BABAM2: variants seen among roughly 807,000 people sequenced by gnomAD.
BABAM2 encodes BRISC and BRCA1 A complex member 2.
Under a neutral mutation model 54.7 loss-of-function variants are expected in BABAM2, and 31 were observed. The observed-to-expected ratio is 0.57, with a 90% CI of 0.43 to 0.77. BABAM2 has a LOEUF of 0.77. Among genes scored for constraint, BABAM2 ranks in the 30% least tolerant of loss-of-function variants. BABAM2 has a pLI of 0.00. For synonymous variants in BABAM2, 167 were observed against 162.9 expected (o/e 1.03, Z -0.19); for missense variants, 364 against 455.8 (o/e 0.80, Z 1.83).
chr2:28,169,357 A>T (rs1278015909), intron 7 of BABAM2, among the ~76,000 whole-genome samples: 2 of 152,218 alleles, frequency 1.3e-5, no homozygotes, highest in East Asian at 3.8e-4. Flanking sequence ...AACCTTTAAT[A>T]CTTTCATACC....
Position 28,338,610 on chromosome 2 carries a change from C to CGGCAG in BABAM2, c.*98_*102dup. 6.9e-7 allele frequency: 1 copy of CGGCAG among 1,441,100 alleles called. No homozygotes were observed. Among genetic ancestry groups the CGGCAG allele is most frequent in the Non-Finnish European group, 9.7e-7 (1 of 1,028,988 alleles). The allele number at this position is 1,441,100 out of a possible 1,614,324, so 89.3% of individuals were successfully genotyped here. ...CTGGAAGCCGCCTGGAATGTCTTCA[C>CGGCAG]GGCAGCGTTTTGCTCACACAGCAGC... On this transcript the variant is annotated 3_prime_UTR_variant, in exon 12 of 12. Transcript: ENST00000379624.
chr2:28,221,401 G>A (rs1358268937), intron 7 of BABAM2, among the ~76,000 whole-genome samples: 2 of 152,154 alleles, frequency 1.3e-5, no homozygotes, highest in African/African-American at 4.8e-5. Flanking sequence ...GATTTAGTAT[G>A]TTTGCAGTGT....
In BABAM2 at chr2:28,202,515, C is replaced by G. The variant is rs577654297; in HGVS notation, c.681-34687C>G. 4.6e-5 allele frequency among the ~76,000 whole-genome samples: 7 copies of G among 152,310 alleles called. No individual in the cohort carries two copies. In the East Asian group the frequency reaches 1.3e-3, roughly 29 times the overall value. On this transcript the variant is annotated intron_variant, in intron 7 of 11. Transcript: ENST00000379624. ...GAAGTTCCCCAAAGAATAGAAAAAT[C>G]TGCTTTAATTCCAACATCTAGTTGC...
intron 5 of BABAM2, among the ~76,000 whole-genome samples, chr2:28,040,294 C>CTTTTTTTTTTTTTTTTTGTTTT (rs1676972775): frequency 1.7e-5 from 1 of 59,470 alleles, no homozygotes; most frequent in Admixed American, 2.2e-4. Context: ...AAACTGAATT[C>CTTTTTTTTTTTTTTTTTGTTTT]TTTTTTTTTT....
At chr2:28,203,651 A>G (rs185370522) in intron 7 of BABAM2, among the ~76,000 whole-genome samples, 255 of 152,162 alleles carry the variant, frequency 1.7e-3, no homozygotes, top group Non-Finnish European at 2.5e-3. Flanking sequence ...TACATAAGAG[A>G]CGTTTTTCAT....
intron 6 of BABAM2, among the ~76,000 whole-genome samples, chr2:28,097,359 G>A (rs1216253929): frequency 6.6e-6 from 1 of 152,170 alleles, no homozygotes; most frequent in Non-Finnish European, 1.5e-5. Flanking sequence ...GCAGAGCTTT[G>A]TGTACTCTAA....
chr2:28,242,676 C>A (rs999790729), intron 9 of BABAM2, among the ~76,000 whole-genome samples: 2 of 152,038 alleles, frequency 1.3e-5, no homozygotes, highest in Admixed American at 6.5e-5. Context: ...TGATTTGTCA[C>A]CCTCTGGGAT....
intron 6 of BABAM2, among the ~76,000 whole-genome samples, chr2:28,078,608 T>C (rs778039032): frequency 2.6e-5 from 4 of 152,132 alleles, no homozygotes; most frequent in Non-Finnish European, 5.9e-5. Flanking sequence ...ATGTTTCCCA[T>C]GGATAAGGAA....
chr2:27,976,375 TAA>T (rs1187878933), intron 3 of BABAM2, among the ~76,000 whole-genome samples: 4 of 152,182 alleles, frequency 2.6e-5, no homozygotes, highest in African/African-American at 9.6e-5. Context: ...TAGTAGGCTA[TAA>T]AAAAGGAGCA....
intron 3 of BABAM2, among the ~76,000 whole-genome samples, chr2:27,948,691 A>G (rs1236344533): frequency 6.6e-6 from 1 of 152,140 alleles, no homozygotes; most frequent in Non-Finnish European, 1.5e-5. Flanking sequence ...GAATTGCTTG[A>G]ACCCGGGAGG....
intron 6 of BABAM2, among the ~76,000 whole-genome samples, chr2:28,092,129 G>T (rs1350891497): frequency 6.6e-6 from 1 of 151,986 alleles, no homozygotes; most frequent in African/African-American, 2.4e-5. Context: ...TTTTAAAAAG[G>T]TAATCATAAT....
At chr2:28,145,730 C>T (rs948363755) in intron 7 of BABAM2, among the ~76,000 whole-genome samples, 1 of 152,196 alleles carries the variant, frequency 6.6e-6, no homozygotes, top group Admixed American at 6.5e-5. Context: ...CAGTTACTCC[C>T]AGTTTTCCCC....
rs189284782 is a variant in BABAM2, at chr2:28,240,246, G to C, written c.781-1077G>C. Reference sequence around the variant, plus strand: ...AGCATTCCTCCTGCCTCAGGCTCCCGAGTAGCTAGGGCTATAGGTGCATAT... The same window carrying C: ...AGCATTCCTCCTGCCTCAGGCTCCCCAGTAGCTAGGGCTATAGGTGCATAT... On this transcript the variant is annotated intron_variant, in intron 8 of 11. Transcript: ENST00000379624. Among the ~76,000 whole-genome samples, 92 of 151,708 alleles carry C rather than the reference G, an allele frequency of 6.1e-4. No homozygotes were observed. In the East Asian group the frequency reaches 0.011, roughly 17 times the overall value.
At position 28,002,132 on chromosome 2, in the gene BABAM2, C is replaced by T. The variant is rs145372351; in HGVS notation, c.300+14045C>T. Among the ~76,000 whole-genome samples the T allele has an allele frequency of 1.2e-3, 179 of 151,690 alleles. 1 individual carries two copies. The highest frequency in any genetic ancestry group is 4.3e-3 in the African/African-American group (176 of 41,384). On this transcript the variant is annotated intron_variant, in intron 4 of 11. Coordinates refer to ENST00000379624, the MANE Select transcript of BABAM2 (RefSeq NM_199191.3). ...CCAGGGGTAGAACTAGCTTGGGGTG[C>T]GAATAGTTTTAGGGCTTAAACAATG...
At chr2:28,072,124 G>A (rs1376727636) in intron 6 of BABAM2, among the ~76,000 whole-genome samples, 1 of 151,028 alleles carries the variant, frequency 6.6e-6, no homozygotes, top group Non-Finnish European at 1.5e-5. Flanking sequence ...GGCCTTAAGC[G>A]ATCTTCCTGC....
chr2:27,915,135 A>G (rs1666871887), intron 2 of BABAM2, among the ~76,000 whole-genome samples: 1 of 152,138 alleles, frequency 6.6e-6, no homozygotes. Flanking sequence ...TTGGACCCCC[A>G]TGAGAATTTT....
chr2:28,117,029 C>T (rs1243824749), intron 6 of BABAM2, among the ~76,000 whole-genome samples: 3 of 152,222 alleles, frequency 2.0e-5, no homozygotes, highest in Non-Finnish European at 4.4e-5. Context: ...CCTTTTCCTT[C>T]ATTGATTGAA....
At chr2:28,160,829 G>A (rs941299097) in intron 7 of BABAM2, among the ~76,000 whole-genome samples, 1 of 151,350 alleles carries the variant, frequency 6.6e-6, no homozygotes, top group African/African-American at 2.4e-5. Flanking sequence ...GTAGGTGTTA[G>A]AGACAATGGA....
At chr2:28,076,458 A>ATATTTATTTATTTATT (rs1005529042) in intron 6 of BABAM2, among the ~76,000 whole-genome samples, 10 of 140,232 alleles carry the variant, frequency 7.1e-5, no homozygotes, top group African/African-American at 2.4e-4. Flanking sequence ...TTTTTATTTT[A>ATATTTATTTATTTATT]TATTTATTTA....
Sources: allele counts gnomAD v4.1 joint callset (sites outside exome capture counted in the v4.1 genomes callset), GRCh38; gene constraint gnomAD v4.1.1; transcripts MANE v1.5; gene names NCBI Gene and HGNC (gene_info 2026-07-23, HGNC 2026-07-21).